Variants in PRKG1 observed in about 807,000 individuals in gnomAD.
The protein encoded by PRKG1 is cGMP-dependent protein kinase 1.
A neutral mutation model predicts 88.1 loss-of-function variants in PRKG1; 35 were observed. The ratio of observed to expected loss-of-function variants is 0.40; its 90% CI spans 0.30 to 0.53. PRKG1 has a LOEUF of 0.53. Ranked by LOEUF, PRKG1 falls within the 20% of genes least tolerant of loss-of-function variation. The pLI is 0.59. For missense variants in PRKG1, 540 were observed against 839.8 expected (o/e 0.64, Z 4.41); for synonymous variants, 303 against 292.5 (o/e 1.04, Z -0.37).
At chr10:52,259,134 A>G (rs1439260282) in intron 10 of PRKG1, among the ~76,000 whole-genome samples, 1 of 151,868 alleles carries the variant, frequency 6.6e-6, no homozygotes, top group African/African-American at 2.4e-5. Flanking sequence ...AAAAAAAAAA[A>G]GAGTTGTTTG....
At chr10:51,616,467 A>G (rs1839058788) in intron 3 of PRKG1, among the ~76,000 whole-genome samples, 1 of 152,112 alleles carries the variant, frequency 6.6e-6, no homozygotes, top group African/African-American at 2.4e-5. Flanking sequence ...GGGCTTAGGA[A>G]AGCCAGTCTA....
intron 1 of PRKG1, among the ~76,000 whole-genome samples, chr10:51,068,736 T>G (rs1298810773): frequency 6.6e-6 from 1 of 151,976 alleles, no homozygotes; most frequent in African/African-American, 2.4e-5. Flanking sequence ...ATATTGATGA[T>G]TTACCTTAGT....
Position 52,196,295 on chromosome 10 carries a change from C to T in PRKG1, c.1076+34332C>T, listed in dbSNP as rs141036337. Among the ~76,000 whole-genome samples the T allele has an allele frequency of 3.8e-3, 578 of 152,254 alleles. 3 individuals carry two copies. Among genetic ancestry groups the T allele is most frequent in the African/African-American group, 0.013 (551 of 41,542 alleles). ...CCTCCCAAAGTCCTGGGATTACAGG[C>T]GTGAGCCACCGCGCCAGGCCAAGAA... On this transcript the variant is annotated intron_variant, in intron 9 of 17. Coordinates refer to ENST00000373980, the MANE Select transcript of PRKG1 (RefSeq NM_006258.4).
chr10:51,378,728 G>T (rs1387371191), intron 2 of PRKG1, among the ~76,000 whole-genome samples: 1 of 152,012 alleles, frequency 6.6e-6, no homozygotes, highest in Non-Finnish European at 1.5e-5. Flanking sequence ...GTGTGATGCA[G>T]GGTGATTTAT....
chr10:51,104,297 G>T (rs1844763680), intron 1 of PRKG1, among the ~76,000 whole-genome samples: 1 of 152,186 alleles, frequency 6.6e-6, no homozygotes, highest in African/African-American at 2.4e-5. Flanking sequence ...GGAAACTGCT[G>T]TTGTAACAAG....
chr10:52,203,709 T>C (rs150205596), intron 9 of PRKG1, among the ~76,000 whole-genome samples: 1 of 152,246 alleles, frequency 6.6e-6, no homozygotes, highest in Non-Finnish European at 1.5e-5. Context: ...ATTGGATGCA[T>C]GTATATTTAG....
intron 3 of PRKG1, among the ~76,000 whole-genome samples, chr10:51,598,120 G>T (rs1347194722): frequency 1.3e-5 from 2 of 152,158 alleles, no homozygotes; most frequent in Non-Finnish European, 2.9e-5. Flanking sequence ...GGGTCAGATA[G>T]CATGGTAGCC....
At chr10:51,083,516 T>TTG (rs1295086455) in intron 1 of PRKG1, among the ~76,000 whole-genome samples, 1 of 150,670 alleles carries the variant, frequency 6.6e-6, no homozygotes, top group African/African-American at 2.4e-5. Flanking sequence ...CAGCTACAGT[T>TTG]TTTTTTTTTT....
chr10:52,028,731 G>A (rs978984340), intron 5 of PRKG1, among the ~76,000 whole-genome samples: 2 of 152,150 alleles, frequency 1.3e-5, no homozygotes, highest in African/African-American at 2.4e-5. Flanking sequence ...ATTTTGAACT[G>A]TACAGACACC....
chr10:51,406,016 C>T (rs1484355579), intron 2 of PRKG1, among the ~76,000 whole-genome samples: 1 of 152,108 alleles, frequency 6.6e-6, no homozygotes, highest in Non-Finnish European at 1.5e-5. Context: ...GTTTAAGGCC[C>T]GTGGAGTGCC....
chr10:51,945,642 G>A (rs1266530424), intron 5 of PRKG1, among the ~76,000 whole-genome samples: 1 of 151,386 alleles, frequency 6.6e-6, no homozygotes, highest in African/African-American at 2.4e-5. Flanking sequence ...CTCTTTTAGG[G>A]CAGGCCTGGT....
chr10:51,892,220 A>G (rs1021539955), intron 4 of PRKG1, among the ~76,000 whole-genome samples: 9 of 152,164 alleles, frequency 5.9e-5, no homozygotes, highest in African/African-American at 2.2e-4. Context: ...TAGCTTTCTC[A>G]GTGTTTTTAA....
At chr10:51,777,940 G>A (rs896606447) in intron 3 of PRKG1, among the ~76,000 whole-genome samples, 2 of 151,992 alleles carry the variant, frequency 1.3e-5, no homozygotes, top group African/African-American at 2.4e-5. Flanking sequence ...TGGCATGATA[G>A]CTCATTTATT....
At chr10:52,248,545 A>G (rs1841084123) in intron 9 of PRKG1, among the ~76,000 whole-genome samples, 1 of 152,190 alleles carries the variant, frequency 6.6e-6, no homozygotes. Context: ...TTCACCTAGT[A>G]ATGTTAGCAA....
chr10:52,111,032 ATC>A (rs1847551588), intron 7 of PRKG1, among the ~76,000 whole-genome samples: 1 of 152,224 alleles, frequency 6.6e-6, no homozygotes, highest in Admixed American at 6.5e-5. Flanking sequence ...ATTGAATCTT[ATC>A]TCTCTACAAT....
intron 3 of PRKG1, among the ~76,000 whole-genome samples, chr10:51,583,215 T>A (rs1462806628): frequency 6.6e-6 from 1 of 152,124 alleles, no homozygotes; most frequent in Non-Finnish European, 1.5e-5. Context: ...AGAGCCAGGA[T>A]AAAGTTAAAA....
chr10:51,487,920 T>C (rs539929876), intron 3 of PRKG1, among the ~76,000 whole-genome samples: 1 of 152,290 alleles, frequency 6.6e-6, no homozygotes, highest in South Asian at 2.1e-4. Flanking sequence ...CAACTGAGGA[T>C]TTCAACTATG....
At chr10:51,207,706 T>A (rs895039946) in intron 2 of PRKG1, among the ~76,000 whole-genome samples, 1 of 152,146 alleles carries the variant, frequency 6.6e-6, no homozygotes, top group African/African-American at 2.4e-5. Flanking sequence ...TCCTGGCAGA[T>A]TACAAGTAAG....
intron 3 of PRKG1, among the ~76,000 whole-genome samples, chr10:51,755,011 C>A (rs943163846): frequency 2.1e-3 from 278 of 130,456 alleles, no homozygotes; most frequent in Middle Eastern, 3.9e-3. Context: ...AACTCAATTA[C>A]AAAAAAAAAA....
Sources: gnomAD v4.1 joint callset for allele counts (sites outside exome capture counted in the v4.1 genomes callset) on GRCh38, gnomAD v4.1.1 for gene constraint, MANE v1.5 for transcripts, NCBI Gene and HGNC (gene_info 2026-07-23, HGNC 2026-07-21) for gene names.